DPCD: variants seen among roughly 807,000 people sequenced by gnomAD.
DPCD encodes the protein protein DPCD.
In DPCD, 20 loss-of-function variants were observed where a neutral mutation model predicts 26.4. The ratio of observed to expected loss-of-function variants is 0.76; its 90% CI spans 0.53 to 1.10. DPCD has a LOEUF of 1.10. Ranked by LOEUF, DPCD falls within the 50% of genes least tolerant of loss-of-function variation. The pLI, the probability that DPCD is intolerant of heterozygous loss-of-function variation, is 0.00. For synonymous variants in DPCD, 97 were observed against 94.2 expected, an observed-to-expected ratio of 1.03 and a Z score of -0.17; for missense variants, 202 against 253.9, an observed-to-expected ratio of 0.80 and a Z score of 1.39.
In DPCD at chr10:101,603,485, C is replaced by T. The variant is rs1295010046; in HGVS notation, c.404+2149C>T. Reference sequence around the variant, plus strand: ...TAAGAGATGGAGTCTTGGCTGGGCGCGGTGGCTCACGCCTGTAATCCCAGC... The same window carrying T: ...TAAGAGATGGAGTCTTGGCTGGGCGTGGTGGCTCACGCCTGTAATCCCAGC... On this transcript the variant is annotated intron_variant, in intron 4 of 5. Coordinates refer to ENST00000370151, the MANE Select transcript of DPCD (RefSeq NM_015448.3). This position sits in a 1 kb window ranked among gnomAD's most constrained non-coding sequence, Gnocchi z 4.6. Among the ~76,000 whole-genome samples, 2 of 151,104 alleles carry T rather than the reference C, an allele frequency of 1.3e-5. No homozygotes were observed. Among genetic ancestry groups the T allele is most frequent in the Admixed American group, 6.6e-5 (1 of 15,176 alleles).
chr10:101,592,772 T>C (rs1415717422), intron 1 of DPCD, among the ~76,000 whole-genome samples: 1 of 151,554 alleles, frequency 6.6e-6, no homozygotes, highest in Non-Finnish European at 1.5e-5. Flanking sequence ...TCCCAGCCCT[T>C]TGGGAGGCTG....
At chr10:101,594,545 TG>T in intron 1 of DPCD, 112 bp from the exon 2 acceptor site, 1 of 990,516 alleles carries the variant, frequency 1.0e-6, no homozygotes, top group Non-Finnish European at 1.6e-6. Context: ...AGGTCCTGGC[TG>T]GGTTCCTCAG....
intron 2 of DPCD, among the ~76,000 whole-genome samples, chr10:101,597,295 C>T (rs2063660369): frequency 6.6e-6 from 1 of 152,242 alleles, no homozygotes; most frequent in South Asian, 2.1e-4. Flanking sequence ...AAATGACCCA[C>T]TCGATTCCCT....
intron 5 of DPCD, 37 bp from the exon 6 acceptor site, chr10:101,609,330 G>T: frequency 6.2e-7 from 1 of 1,605,760 alleles, no homozygotes; most frequent in South Asian, 1.1e-5. Context: ...ATGGGACAGT[G>T]ACTGAATTAT....
At chr10:101,597,458 C>T (rs2063661776) in intron 2 of DPCD, among the ~76,000 whole-genome samples, 1 of 152,182 alleles carries the variant, frequency 6.6e-6, no homozygotes, top group African/African-American at 2.4e-5. Flanking sequence ...TGGAAGTGGG[C>T]CAGGGTTTGG....
intron 2 of DPCD, among the ~76,000 whole-genome samples, chr10:101,595,974 C>A (rs1388180917): frequency 5.3e-5 from 8 of 152,208 alleles, no homozygotes; most frequent in Non-Finnish European, 1.2e-4. Flanking sequence ...CAGCTCCTCA[C>A]TCCCAGCCCC....
intron 1 of DPCD, among the ~76,000 whole-genome samples, chr10:101,594,043 A>G (rs1203637980): frequency 6.6e-6 from 1 of 152,202 alleles, no homozygotes; most frequent in Non-Finnish European, 1.5e-5. Flanking sequence ...AAGTGCCATG[A>G]AGAAAATACA....
chr10:101,609,468 G>A lies in DPCD; in HGVS notation c.609G>A (p.Gln203=), dbSNP rs1460848338. The change falls in exon 6 of 6, where the codon CAG becomes CAA. Residue 203 remains glutamine, a synonymous_variant. Coordinates refer to ENST00000370151, the MANE Select transcript of DPCD (RefSeq NM_015448.3). ...GCAACGATGGGGACTGCAAGACCCAGTAGTTGGCCCCTGAGCCTTATACCT... is the reference window on the plus strand; with the variant it reads ...GCAACGATGGGGACTGCAAGACCCAATAGTTGGCCCCTGAGCCTTATACCT... ...AHSNDGDCKT[Q] 1 of 1,613,888 alleles carries A rather than the reference G, an allele frequency of 6.2e-7. No individual in the cohort carries two copies. The highest frequency in any genetic ancestry group is 1.1e-5 in the South Asian group (1 of 91,002).
intron 1 of DPCD, among the ~76,000 whole-genome samples, chr10:101,593,893 G>A (rs1469289186): frequency 6.6e-6 from 1 of 152,134 alleles, no homozygotes; most frequent in East Asian, 1.9e-4. Flanking sequence ...TCAGTATTTA[G>A]TTGAGCTCCT....
chr10:101,593,286 G>A (rs1356694148), intron 1 of DPCD, among the ~76,000 whole-genome samples: 4 of 152,148 alleles, frequency 2.6e-5, no homozygotes, highest in Non-Finnish European at 5.9e-5. Context: ...GTATTACCTA[G>A]GGCTCTGCTA....
intron 2 of DPCD, among the ~76,000 whole-genome samples, chr10:101,596,868 T>C (rs1421931755): frequency 6.6e-6 from 1 of 152,220 alleles, no homozygotes; most frequent in Non-Finnish European, 1.5e-5. Context: ...AATTTGATAA[T>C]TAGCCAAACC....
chr10:101,603,454 T>G lies in DPCD; in HGVS notation c.404+2118T>G, dbSNP rs147002121. ...TATTTTTATTTTTATTTATTTATTTTTTTTTTAAGAGATGGAGTCTTGGCT... is the reference window on the plus strand; with the variant it reads ...TATTTTTATTTTTATTTATTTATTTGTTTTTTAAGAGATGGAGTCTTGGCT... On this transcript the variant is annotated intron_variant, in intron 4 of 5. Coordinates refer to ENST00000370151, the MANE Select transcript of DPCD (RefSeq NM_015448.3). This position sits in a 1 kb window ranked among gnomAD's most constrained non-coding sequence, Gnocchi z 4.6. Among the ~76,000 whole-genome samples, 2 of 151,836 alleles carry G rather than the reference T, an allele frequency of 1.3e-5. No individual in the cohort carries two copies. The highest frequency in any genetic ancestry group is 2.9e-5 in the Non-Finnish European group (2 of 67,984).
Position 101,608,693 on chromosome 10 carries a change from G to A in DPCD, c.405-142G>A, listed in dbSNP as rs569434998. On this transcript the variant is annotated intron_variant, in intron 4 of 5. Transcript: ENST00000370151. ...GGCCACTGAGCTCTGAAATACTGGT[G>A]TTCTAACTGGTTTCCCTTCTCCCTC... 253 of 608,972 alleles carry A rather than the reference G, an allele frequency of 4.2e-4. 2 individuals are homozygous for A. The African/African-American group carries it at 4.3e-3, about 10-fold the overall frequency. 37.7% of individuals were successfully genotyped at this position (608,972 alleles called of 1,614,324 possible).
At chr10:101,596,112 A>T (rs2063650010) in intron 2 of DPCD, among the ~76,000 whole-genome samples, 1 of 152,258 alleles carries the variant, frequency 6.6e-6, no homozygotes, top group East Asian at 1.9e-4. Context: ...ATTAAAAACA[A>T]GTCCAGGTTT....
chr10:101,595,630 T>C (rs1253470843), intron 2 of DPCD, among the ~76,000 whole-genome samples: 3 of 152,210 alleles, frequency 2.0e-5, no homozygotes, highest in African/African-American at 7.2e-5. Flanking sequence ...ACCGACAACA[T>C]GGATTACACG....
At chr10:101,606,670 A>G (rs964336642) in intron 4 of DPCD, among the ~76,000 whole-genome samples, 1 of 152,180 alleles carries the variant, frequency 6.6e-6, no homozygotes, top group African/African-American at 2.4e-5. Flanking sequence ...GACACAGTTG[A>G]TGCCCAATAA....
At chr10:101,589,796 A>G (rs574156525) in intron 1 of DPCD, among the ~76,000 whole-genome samples, 1 of 152,340 alleles carries the variant, frequency 6.6e-6, no homozygotes, top group East Asian at 1.9e-4. Context: ...AGGCAGGAGA[A>G]TCGCTTGAAC....
At chr10:101,602,842 A>G (rs747457124) in intron 4 of DPCD, among the ~76,000 whole-genome samples, 1 of 152,226 alleles carries the variant, frequency 6.6e-6, no homozygotes, top group Non-Finnish European at 1.5e-5. Flanking sequence ...GTCACTGTCG[A>G]ATACAGATAT....
chr10:101,608,485 G>A (rs1270824468), intron 4 of DPCD, among the ~76,000 whole-genome samples: 2 of 152,152 alleles, frequency 1.3e-5, no homozygotes, highest in Non-Finnish European at 2.9e-5. Flanking sequence ...TGAGGCTTTG[G>A]GGGTAGAGGA....
Sources: allele counts gnomAD v4.1 joint callset (sites outside exome capture counted in the v4.1 genomes callset), GRCh38; gene constraint gnomAD v4.1.1; non-coding constraint Gnocchi (gnomAD v3.1); transcripts MANE v1.5; gene names NCBI Gene and HGNC (gene_info 2026-07-23, HGNC 2026-07-21).